The following USP34 variants were observed in gnomAD, a reference collection of about 807,000 sequenced individuals.
USP34 encodes the protein ubiquitin carboxyl-terminal hydrolase 34.
A neutral mutation model predicts 460.3 loss-of-function variants in USP34; 70 were observed. The ratio of observed to expected loss-of-function variants is 0.15; its 90% CI spans 0.13 to 0.19. The LOEUF is 0.19. Ranked by LOEUF, USP34 falls within the 10% of genes least tolerant of loss-of-function variation. The pLI, the probability that USP34 is intolerant of heterozygous loss-of-function variation, is 1.00. For synonymous variants in USP34, 1,647 were observed against 1,405.3 expected (o/e 1.17, Z -3.85); for missense variants, 3,985 against 4,236.2 (o/e 0.94, Z 1.65).
chr2:61,457,282 A>T (rs1041193524), intron 1 of USP34, among the ~76,000 whole-genome samples: 1 of 152,188 alleles, frequency 6.6e-6, no homozygotes, highest in Non-Finnish European at 1.5e-5. Flanking sequence ...CAAATAAATA[A>T]GGTGCAGTAG....
intron 8 of USP34, among the ~76,000 whole-genome samples, chr2:61,377,944 T>G (rs1399525566): frequency 6.6e-6 from 1 of 152,304 alleles, no homozygotes; most frequent in African/African-American, 2.4e-5. Context: ...TTTGGGAGAC[T>G]GAGGCAAGTG....
chr2:61,294,961 G>C lies in USP34; in HGVS notation c.4449C>G (p.Ser1483=). The C allele has an allele frequency of 6.2e-7, 1 of 1,611,754 alleles. No individual in the cohort carries two copies. The change falls in exon 32 of 80, where the codon TCC becomes TCG. Residue 1483 remains serine, a synonymous_variant. Transcript: ENST00000398571. ...CATATGATCAAACCTTGCAACTCCA[G>C]GAATTTTTACTATTTTCCACTTGAT... ...SEDQVENSKN[S]WSCKFVAAGG...
At chr2:61,402,557 C>T (rs760220320) in intron 3 of USP34, among the ~76,000 whole-genome samples, 7 of 152,136 alleles carry the variant, frequency 4.6e-5, no homozygotes, top group South Asian at 4.1e-4. Flanking sequence ...CCTCTGTAGG[C>T]CAGTTGCTTC....
intron 1 of USP34, among the ~76,000 whole-genome samples, chr2:61,467,297 T>C (rs1437434266): frequency 2.0e-5 from 3 of 151,984 alleles, no homozygotes; most frequent in Admixed American, 6.6e-5. Context: ...AGCGAGATTC[T>C]GTCTCCAAAT....
chr2:61,262,147 A>T (rs1281212559), intron 43 of USP34, among the ~76,000 whole-genome samples: 1 of 145,172 alleles, frequency 6.9e-6, no homozygotes. Context: ...AGATAGATAG[A>T]TAGATAGATA....
intron 33 of USP34, among the ~76,000 whole-genome samples, chr2:61,289,174 T>C (rs1689776376): frequency 6.6e-6 from 1 of 152,092 alleles, no homozygotes; most frequent in African/African-American, 2.4e-5. Flanking sequence ...ATGAGATTTT[T>C]GAAAAAACAT....
At position 61,347,139 on chromosome 2, in the gene USP34, CAAAGAAAAAAAGAA is replaced by C. The variant is rs1300869591; in HGVS notation, c.2285+717_2285+730del. Among the ~76,000 whole-genome samples the C allele has an allele frequency of 4.6e-5, 7 of 150,590 alleles. 1 individual carries two copies. The East Asian group carries it at 5.8e-4, about 13-fold the overall frequency. On this transcript the variant is annotated intron_variant, in intron 15 of 79. Coordinates refer to ENST00000398571, the MANE Select transcript of USP34 (RefSeq NM_014709.4). ...TGGGCAACAGAGCGAGACCCTGTCTCAAAGAAAAAAAGAAGAAGAAAACAAATAAATCAATAAAT... is the reference window on the plus strand; with the variant it reads ...TGGGCAACAGAGCGAGACCCTGTCTCGAAGAAAACAAATAAATCAATAAAT...
chr2:61,363,667 T>C (rs1226854711), intron 10 of USP34, among the ~76,000 whole-genome samples: 1 of 152,236 alleles, frequency 6.6e-6, no homozygotes, highest in Non-Finnish European at 1.5e-5. Flanking sequence ...ATGTATGTGG[T>C]GTGTTGTTGA....
At chr2:61,338,737 T>C (rs1691501541) in intron 18 of USP34, among the ~76,000 whole-genome samples, 1 of 151,824 alleles carries the variant, frequency 6.6e-6, no homozygotes, top group Admixed American at 6.6e-5. Context: ...TGAGTCCCAA[T>C]GAGAAGTACA....
At chr2:61,297,766 G>C (rs1360441318) in intron 29 of USP34, among the ~76,000 whole-genome samples, 3 of 152,150 alleles carry the variant, frequency 2.0e-5, no homozygotes, top group Non-Finnish European at 4.4e-5. Context: ...TTTTGAGATG[G>C]AGTTTCGCTC....
At chr2:61,385,503 C>CTACTAAAAA (rs1241137061) in intron 5 of USP34, among the ~76,000 whole-genome samples, 2 of 151,192 alleles carry the variant, frequency 1.3e-5, no homozygotes, top group African/African-American at 4.9e-5. Context: ...AACCCCATCT[C>CTACTAAAAA]TACTAAAAAT....
At chr2:61,245,163 G>T in intron 51 of USP34, 47 bp downstream of exon 51, 1 of 1,434,296 alleles carries the variant, frequency 7.0e-7, no homozygotes, top group Non-Finnish European at 9.7e-7. Context: ...ATATGACAAA[G>T]CACTTGGAAG....
intron 53 of USP34, 142 bp from the exon 54 acceptor site, chr2:61,236,531 T>C (rs1378462218): frequency 3.2e-6 from 2 of 631,990 alleles, no homozygotes; most frequent in Non-Finnish European, 5.3e-6. Context: ...TTTGATTTTT[T>C]CCCAAGTATA....
At chr2:61,288,413 T>A (rs1457893731) in intron 34 of USP34, among the ~76,000 whole-genome samples, 1 of 152,180 alleles carries the variant, frequency 6.6e-6, no homozygotes, top group African/African-American at 2.4e-5. Flanking sequence ...CATAAATGCA[T>A]CCCCAAAGTA....
chr2:61,348,231 G>A lies in USP34; in HGVS notation c.1924C>T (p.Leu642Phe). Residue 642 changes from leucine (L) to phenylalanine (F), a missense_variant, in exon 15 of 80, where the codon CTT becomes TTT. This residue lies in a region of USP34 where 716 missense variants were observed against 626.2 expected (regional missense o/e 1.14). Transcript: ENST00000398571. ...TGACTCTCTAACTTTCTATTCCGAA[G>A]ATCTGTACCACAACTGCTTTTGGGA... ...NPPKSSCGTDLRNRKLESQAG... is the reference protein window; with the variant it reads ...NPPKSSCGTDFRNRKLESQAG... 6.2e-7 allele frequency: 1 copy of A among 1,614,180 alleles called. No homozygotes were observed. Among genetic ancestry groups the A allele is most frequent in the Non-Finnish European group, 8.5e-7 (1 of 1,180,038 alleles).
At chr2:61,296,171 G>C (rs1690022458) in intron 30 of USP34, among the ~76,000 whole-genome samples, 1 of 152,084 alleles carries the variant, frequency 6.6e-6, no homozygotes, top group African/African-American at 2.4e-5. Flanking sequence ...GGGGAGGAAG[G>C]ATCACTTGAG....
chr2:61,316,444 G>A (rs948986608), intron 23 of USP34, among the ~76,000 whole-genome samples: 3 of 151,662 alleles, frequency 2.0e-5, no homozygotes, highest in Admixed American at 6.6e-5. Flanking sequence ...AATTAGCTGG[G>A]CGTGGTGGTG....
intron 18 of USP34, among the ~76,000 whole-genome samples, chr2:61,335,674 G>A (rs1691394475): frequency 6.6e-6 from 1 of 152,178 alleles, no homozygotes; most frequent in African/African-American, 2.4e-5. Flanking sequence ...GCTTGAGCCT[G>A]GGAGGCGGAG....
intron 5 of USP34, among the ~76,000 whole-genome samples, chr2:61,387,928 T>C (rs1014858733): frequency 1.4e-5 from 2 of 142,606 alleles, no homozygotes; most frequent in African/African-American, 2.6e-5. Flanking sequence ...AATATATTTA[T>C]ACACACACAC....
Sources: allele counts gnomAD v4.1 joint callset (sites outside exome capture counted in the v4.1 genomes callset), GRCh38; gene constraint gnomAD v4.1.1; regional missense constraint gnomAD v4.1.1; transcripts MANE v1.5; gene names NCBI Gene and HGNC (gene_info 2026-07-23, HGNC 2026-07-21).